The following DGCR8 variants were observed in gnomAD, a reference collection of about 807,000 sequenced individuals.
DGCR8 encodes DGCR8 microprocessor complex subunit.
In DGCR8, 14 loss-of-function variants were observed where a neutral mutation model predicts 78.5. That is an observed-to-expected ratio of 0.18 (90% CI 0.12 to 0.28). The LOEUF is 0.28. Ranked by LOEUF, DGCR8 falls within the 10% of genes least tolerant of loss-of-function variation. The probability of loss-of-function intolerance (pLI) is 1.00; values close to 1 mark genes in which losing one functional copy is unlikely to be tolerated. For missense variants in DGCR8, 702 were observed against 1,022.5 expected, an observed-to-expected ratio of 0.69 and a Z score of 4.28; for synonymous variants, 399 against 402.4, an observed-to-expected ratio of 0.99 and a Z score of 0.10.
At chr22:20,107,783 T>C in intron 12 of DGCR8, 1 of 269,694 alleles carries the variant, frequency 3.7e-6, no homozygotes, top group South Asian at 4.3e-5. Context: ...TGTGTCAGGG[T>C]AGCTCTCCCT....
At chr22:20,107,730 C>T in intron 12 of DGCR8, 1 of 331,590 alleles carries the variant, frequency 3.0e-6, no homozygotes, top group East Asian at 6.4e-5. Context: ...TGTGCAAAGG[C>T]TCAGGAGCCA....
intron 9 of DGCR8, chr22:20,100,555 G>T (rs1445442067): frequency 5.1e-6 from 5 of 985,282 alleles, no homozygotes; most frequent in Non-Finnish European, 6.0e-6. Context: ...AGCCCTGCCT[G>T]TTCTTTGCTA....
intron 9 of DGCR8, chr22:20,100,369 T>A: frequency 1.0e-6 from 1 of 985,232 alleles, no homozygotes; most frequent in Non-Finnish European, 1.2e-6. Flanking sequence ...CTGGCCACAT[T>A]TGATTTTATT....
In DGCR8 at chr22:20,089,887, C is replaced by T. The variant is rs2049531786; in HGVS notation, c.1023+76C>T. ...ACGTGCACATCCACACACATGGCAC[C>T]GCAGCCAAGCAGAGGCCGGTGAAAG... On this transcript the variant is annotated intron_variant, in intron 4 of 13. Transcript: ENST00000351989. This position sits in a 1 kb window ranked among gnomAD's most constrained non-coding sequence, Gnocchi z 4.9. The T allele has an allele frequency of 2.7e-5, 43 of 1,592,472 alleles. No individual in the cohort carries two copies. The South Asian group carries it at 3.2e-4, about 12-fold the overall frequency.
chr22:20,107,130 TG>T, intron 11 of DGCR8, 140 bp from the exon 12 acceptor site: 1 of 872,744 alleles, frequency 1.1e-6, no homozygotes, highest in Non-Finnish European at 1.9e-6. Flanking sequence ...CCCAGAGCAG[TG>T]GCAGAGTGCT....
rs1449224050 is a variant in DGCR8, at chr22:20,110,087, C to G, written c.2301C>G (p.Pro767=). The change falls in exon 14 of 14, where the codon CCC becomes CCG. Residue 767 remains proline, a synonymous_variant. Coordinates refer to ENST00000351989, the MANE Select transcript of DGCR8 (RefSeq NM_022720.7). The part of the protein sequence containing the change: ...IVASAQPGGE[P]LCTVDV ...CGTCCGCCCAGCCTGGCGGTGAGCC[C>G]CTGTGCACCGTGGACGTGTGAGGGA... 1 of 1,611,524 alleles carries G rather than the reference C, an allele frequency of 6.2e-7. No homozygotes were observed. Among genetic ancestry groups the G allele is most frequent in the Non-Finnish European group, 8.5e-7 (1 of 1,180,000 alleles).
intron 9 of DGCR8, among the ~76,000 whole-genome samples, chr22:20,104,388 C>T (rs914230764): frequency 6.6e-6 from 1 of 151,938 alleles, no homozygotes; most frequent in Non-Finnish European, 1.5e-5. Flanking sequence ...AGGATGGTCT[C>T]GATCTCCTGA....
intron 5 of DGCR8, 71 bp from the exon 6 acceptor site, chr22:20,091,364 C>A (rs2147922601): frequency 1.3e-6 from 2 of 1,495,566 alleles, no homozygotes; most frequent in Non-Finnish European, 1.9e-6. Flanking sequence ...CTGCCCCATG[C>A]ACTGGGCTGT....
chr22:20,096,456 G>A (rs1035983938), intron 9 of DGCR8: 2 of 985,266 alleles, frequency 2.0e-6, no homozygotes, highest in South Asian at 4.7e-5. Context: ...ACCTTTTTGG[G>A]TAAATGGTTA....
At chr22:20,091,137 G>A (rs2049553779) in intron 5 of DGCR8, among the ~76,000 whole-genome samples, 1 of 152,252 alleles carries the variant, frequency 6.6e-6, no homozygotes, top group Non-Finnish European at 1.5e-5. Flanking sequence ...TTGATACAGG[G>A]AGGAAGTCCC....
chr22:20,111,719 C>CA lies in DGCR8; in HGVS notation c.*1611_*1612insA, dbSNP rs1568965958. The CA allele has an allele frequency of 5.3e-6, 1 of 188,250 alleles. No homozygotes were observed. The highest frequency in any genetic ancestry group is 1.0e-5 in the Non-Finnish European group (1 of 98,776). 11.7% of individuals were successfully genotyped at this position (188,250 alleles called of 1,614,324 possible). On this transcript the variant is annotated 3_prime_UTR_variant, in exon 14 of 14. Transcript: ENST00000351989. Reference sequence around the variant, plus strand: ...TGGTCTCTGTGCGCCCCCCCCCCCCCCCCACCCGTCTGCCAAGCATGGGTA... The same window carrying CA: ...TGGTCTCTGTGCGCCCCCCCCCCCCCACCCACCCGTCTGCCAAGCATGGGTA...
Position 20,108,886 on chromosome 22 carries a change from C to T in DGCR8, c.2125-4C>T, listed in dbSNP as rs765704901. The T allele has an allele frequency of 3.3e-6, 5 of 1,524,242 alleles. No individual in the cohort carries two copies. The highest frequency in any genetic ancestry group is 4.5e-6 in the Non-Finnish European group (5 of 1,099,982). The allele number at this position is 1,524,242 out of a possible 1,614,324, so 94.4% of individuals were successfully genotyped here. Reference sequence around the variant, plus strand: ...TCCTGAGCGTGAGGTGCTATACTTCCCAGGAGACATCGGACAAGAGTGTGA... The same window carrying T: ...TCCTGAGCGTGAGGTGCTATACTTCTCAGGAGACATCGGACAAGAGTGTGA... On this transcript the variant is annotated splice_region_variant and splice_polypyrimidine_tract_variant and intron_variant, in intron 12 of 13. Transcript: ENST00000351989.
At chr22:20,104,641 A>T (rs1435661608) in intron 9 of DGCR8, among the ~76,000 whole-genome samples, 1 of 152,176 alleles carries the variant, frequency 6.6e-6, no homozygotes, top group South Asian at 2.1e-4. Flanking sequence ...TTGAGGTTCC[A>T]GGGCCTGATG....
Position 20,096,582 on chromosome 22 carries a change from A to G in DGCR8, c.1788+1787A>G, listed in dbSNP as rs935848434. ...TTTTAAACTATATAAGTGGATTTTT[A>G]TATATTCAGAGTTGTATAACCATCA... On this transcript the variant is annotated intron_variant, in intron 9 of 13. Coordinates refer to ENST00000351989, the MANE Select transcript of DGCR8 (RefSeq NM_022720.7). 22 of 626,640 alleles carry G rather than the reference A, an allele frequency of 3.5e-5. No individual in the cohort carries two copies. The African/African-American group carries it at 4.0e-4, about 11-fold the overall frequency. 38.8% of individuals were successfully genotyped at this position (626,640 alleles called of 1,614,324 possible).
intron 1 of DGCR8, among the ~76,000 whole-genome samples, chr22:20,083,158 A>G (rs1183576768): frequency 6.6e-6 from 1 of 152,136 alleles, no homozygotes; most frequent in East Asian, 1.9e-4. Context: ...CTTCACGTGG[A>G]TGCAGGCCAT....
chr22:20,107,615 T>C, intron 12 of DGCR8: 2 of 584,386 alleles, frequency 3.4e-6, no homozygotes, highest in Non-Finnish European at 6.0e-6. Flanking sequence ...GAAGTGTGGG[T>C]GATTGGGAAC....
chr22:20,091,670 A>G (rs779154217), intron 6 of DGCR8, 38 bp downstream of exon 6: 5 of 1,601,316 alleles, frequency 3.1e-6, no homozygotes, highest in Non-Finnish European at 4.3e-6. Flanking sequence ...CAGACTGGTT[A>G]TGCTGTTATT....
At chr22:20,080,661 C>G in intron 1 of DGCR8, 2 of 219,980 alleles carry the variant, frequency 9.1e-6, no homozygotes, top group African/African-American at 2.3e-5. Flanking sequence ...GGCCCGAAGC[C>G]TAGCATCGCC....
Position 20,080,264 on chromosome 22 carries a change from C to T in DGCR8, c.-397C>T, listed in dbSNP as rs928244965. On this transcript the variant is annotated 5_prime_UTR_variant, in exon 1 of 14. Coordinates refer to ENST00000351989, the MANE Select transcript of DGCR8 (RefSeq NM_022720.7). The stretch of plus-strand genomic sequence containing the variant: ...CCCTCCGCTCGCCCGGCGCGGCAGG[C>T]GGGTGCCGGCGACCGGAGAGCCTGG... The T allele has an allele frequency of 1.4e-5, 14 of 978,858 alleles. No homozygotes were observed. The highest frequency in any genetic ancestry group is 1.7e-5 in the Non-Finnish European group (14 of 826,150). The allele number at this position is 978,858 out of a possible 1,614,324, so 60.6% of individuals were successfully genotyped here.
Sources: gnomAD v4.1 joint callset for allele counts (sites outside exome capture counted in the v4.1 genomes callset) on GRCh38, gnomAD v4.1.1 for gene constraint, Gnocchi (gnomAD v3.1) non-coding constraint, MANE v1.5 for transcripts, NCBI Gene and HGNC (gene_info 2026-07-23, HGNC 2026-07-21) for gene names.